The following EYS variants were observed in gnomAD, a reference collection of about 807,000 sequenced individuals.
The protein encoded by EYS is EGF-like photoreceptor maintenance factor.
EYS carries 250 observed loss-of-function variants against 282.1 expected under a neutral mutation model. That is an observed-to-expected ratio of 0.89 (90% CI 0.80 to 0.98). The LOEUF (loss-of-function observed/expected upper bound fraction) is 0.98. Ranked by LOEUF, EYS falls within the 50% of genes least tolerant of loss-of-function variation. The pLI, the probability that EYS is intolerant of heterozygous loss-of-function variation, is 0.00. For missense variants in EYS, 4,016 were observed against 3,709.0 expected (o/e 1.08, Z -2.15); for synonymous variants, 1,355 against 1,282.9 (o/e 1.06, Z -1.20).
At chr6:64,449,084 T>A (rs566608255) in intron 26 of EYS, among the ~76,000 whole-genome samples, 131 of 152,020 alleles carry the variant, frequency 8.6e-4, no homozygotes, top group Admixed American at 1.2e-3. Context: ...TTCAAACCAA[T>A]GGCAAAGAAG....
Position 65,005,452 on chromosome 6 carries a change from C to T in EYS, c.2138-7749G>A, listed in dbSNP as rs1479084126. On this transcript the variant is annotated intron_variant, in intron 13 of 42. Coordinates refer to ENST00000503581, the MANE Select transcript of EYS (RefSeq NM_001142800.2). ...TTGCCACCATCTTGGAAGCGGGTCA[C>T]CGCCATCTTGGGACCTCTGTGAGCA... is the stretch of plus-strand genomic sequence containing the variant. 2.7e-5 allele frequency among the ~76,000 whole-genome samples: 4 copies of T among 147,652 alleles called. 1 individual carries two copies. The highest frequency in any genetic ancestry group is 2.2e-4 in the South Asian group (1 of 4,516).
chr6:64,822,688 C>G lies in EYS; in HGVS notation c.3127G>C (p.Ala1043Pro). 6.5e-7 allele frequency: 1 copy of G among 1,545,176 alleles called. No homozygotes were observed. Among genetic ancestry groups the G allele is most frequent in the Admixed American group, 2.0e-5 (1 of 50,080 alleles). The change falls in exon 20 of 43, where the codon GCC becomes CCC. Residue 1043 changes from alanine to proline, a missense_variant. Coordinates refer to ENST00000503581, the MANE Select transcript of EYS (RefSeq NM_001142800.2). ...GFFGTHCETNANDCLSNPCLH... is the reference protein window; with the variant it reads ...GFFGTHCETNPNDCLSNPCLH... ...CAAGGATTTGAAAGGCAATCATTGGCGTTTGTTTCACAGTGTGTTCCAAAA... is the reference window on the plus strand; with the variant it reads ...CAAGGATTTGAAAGGCAATCATTGGGGTTTGTTTCACAGTGTGTTCCAAAA...
At chr6:64,870,838 G>GA (rs1263610240) in intron 19 of EYS, among the ~76,000 whole-genome samples, 2 of 151,542 alleles carry the variant, frequency 1.3e-5, no homozygotes, top group Non-Finnish European at 3.0e-5. Flanking sequence ...CAGACCGAAG[G>GA]AAAAAAATAG....
intron 15 of EYS, among the ~76,000 whole-genome samples, chr6:64,917,573 T>C (rs1055383963): frequency 1.3e-5 from 2 of 152,274 alleles, no homozygotes; most frequent in Non-Finnish European, 2.9e-5. Flanking sequence ...AGTGGAGATG[T>C]TGGTCACAGG....
chr6:65,230,348 A>C (rs9445486), intron 12 of EYS, among the ~76,000 whole-genome samples: 2,072 of 134,234 alleles, frequency 0.015, 30 homozygotes, highest in African/African-American at 0.045. Context: ...GAGCATCCAG[A>C]ATGATTGGTC....
intron 12 of EYS, among the ~76,000 whole-genome samples, chr6:65,086,039 T>A (rs1486205728): frequency 4.6e-5 from 7 of 151,928 alleles, no homozygotes; most frequent in Admixed American, 3.3e-4. Context: ...TTTTTTTTTT[T>A]TTTAAATCCT....
intron 29 of EYS, among the ~76,000 whole-genome samples, chr6:64,365,368 TAGAG>T (rs942265903): frequency 1.3e-5 from 2 of 152,014 alleles, no homozygotes; most frequent in Non-Finnish European, 2.9e-5. Flanking sequence ...AGAGAGCTCT[TAGAG>T]AGGAGAGAGG....
intron 26 of EYS, among the ~76,000 whole-genome samples, chr6:64,535,233 T>C (rs962041060): frequency 1.3e-5 from 2 of 152,212 alleles, no homozygotes; most frequent in Non-Finnish European, 2.9e-5. Flanking sequence ...AGTCTGAGAA[T>C]AAGAATTTTT....
chr6:65,151,163 A>G (rs909120322), intron 12 of EYS, among the ~76,000 whole-genome samples: 4 of 152,070 alleles, frequency 2.6e-5, no homozygotes, highest in African/African-American at 7.2e-5. Context: ...TAAAAAAAAT[A>G]TGGAAAACAT....
intron 28 of EYS, 104 bp downstream of exon 28, chr6:64,436,070 A>G: frequency 1.8e-6 from 1 of 555,020 alleles, no homozygotes; most frequent in Non-Finnish European, 3.1e-6. Flanking sequence ...GCACATGTTA[A>G]TACTAATCAG....
chr6:65,342,722 A>G (rs771373956), intron 10 of EYS, among the ~76,000 whole-genome samples: 38 of 150,654 alleles, frequency 2.5e-4, no homozygotes, highest in Non-Finnish European at 5.2e-4. Flanking sequence ...TTAAAGTTAT[A>G]TAAAATGTGT....
At chr6:64,659,239 T>C (rs900013732) in intron 22 of EYS, among the ~76,000 whole-genome samples, 1 of 152,114 alleles carries the variant, frequency 6.6e-6, no homozygotes, top group African/African-American at 2.4e-5. Flanking sequence ...CAAAGCAGTG[T>C]GTAGAGGGAA....
chr6:65,679,635 AG>A (rs1360060050), intron 1 of EYS, among the ~76,000 whole-genome samples: 3 of 151,964 alleles, frequency 2.0e-5, no homozygotes, highest in Non-Finnish European at 2.9e-5. Flanking sequence ...AAGTATATAT[AG>A]TTAACAACAC....
intron 12 of EYS, among the ~76,000 whole-genome samples, chr6:65,060,600 G>A (rs1773542319): frequency 6.6e-6 from 1 of 151,842 alleles, no homozygotes; most frequent in Admixed American, 6.6e-5. Flanking sequence ...TTAAATGCCT[G>A]TGATTTTGCC....
chr6:65,142,186 C>T (rs1764362701), intron 12 of EYS, among the ~76,000 whole-genome samples: 1 of 151,388 alleles, frequency 6.6e-6, no homozygotes. Context: ...TGTATCGTAC[C>T]CCTCAAATAT....
At chr6:63,983,650 A>G (rs1267703234) in intron 35 of EYS, among the ~76,000 whole-genome samples, 2 of 151,852 alleles carry the variant, frequency 1.3e-5, no homozygotes, top group Non-Finnish European at 2.9e-5. Flanking sequence ...CAATTTGGTC[A>G]ATTTTTCCTT....
rs146256577 is a variant in EYS, at chr6:65,050,417, A to G, written c.2137+7197T>C. Among the ~76,000 whole-genome samples, 125 of 151,684 alleles carry G rather than the reference A, an allele frequency of 8.2e-4. 2 individuals are homozygous for G. In the East Asian group the frequency reaches 0.022, roughly 27 times the overall value. On this transcript the variant is annotated intron_variant, in intron 13 of 42. Transcript: ENST00000503581. The stretch of plus-strand genomic sequence containing the variant: ...TTAACGAATCGTTTATTTTTTTTCT[A>G]TTGGATTAATAACTTATTATGGACT...
At chr6:64,625,691 G>A (rs16895606) in intron 23 of EYS, among the ~76,000 whole-genome samples, 2,237 of 152,266 alleles carry the variant, frequency 0.015, 45 homozygotes, top group East Asian at 0.096. Context: ...GACAATAGCA[G>A]CAATTATTCC....
At chr6:64,565,066 A>C (rs1252861564) in intron 26 of EYS, among the ~76,000 whole-genome samples, 1 of 151,982 alleles carries the variant, frequency 6.6e-6, no homozygotes, top group Non-Finnish European at 1.5e-5. Flanking sequence ...TTATCTTCTT[A>C]TCAGATGTGT....
Sources: allele counts gnomAD v4.1 joint callset (sites outside exome capture counted in the v4.1 genomes callset), GRCh38; gene constraint gnomAD v4.1.1; transcripts MANE v1.5; gene names NCBI Gene and HGNC (gene_info 2026-07-23, HGNC 2026-07-21).